ALCAM: variants seen among roughly 807,000 people sequenced by gnomAD.
ALCAM encodes the protein activated leukocyte cell adhesion molecule.
A neutral mutation model predicts 70.9 loss-of-function variants in ALCAM; 30 were observed. The ratio of observed to expected loss-of-function variants is 0.42; its 90% CI spans 0.32 to 0.57. The LOEUF is 0.57. Ranked by LOEUF, ALCAM falls within the 20% of genes least tolerant of loss-of-function variation. ALCAM has a pLI of 0.11. For missense variants in ALCAM, 591 were observed against 695.1 expected (o/e 0.85, Z 1.68); for synonymous variants, 249 against 242.5 (o/e 1.03, Z -0.25).
intron 1 of ALCAM, among the ~76,000 whole-genome samples, chr3:105,501,187 G>A (rs1485547059): frequency 1.3e-5 from 2 of 152,172 alleles, no homozygotes; most frequent in Non-Finnish European, 2.9e-5. Flanking sequence ...ATTAGCGAGA[G>A]TGACTGACAA....
In ALCAM at chr3:105,534,664, G is replaced by A. The variant is rs751414998; in HGVS notation, c.549G>A (p.Ala183=). ...ATCAGTGTTCTTTATTTTCTTCAGCGGTGGTCATAATTTTTAAAAAGGAAA... is the reference window on the plus strand; with the variant it reads ...ATCAGTGTTCTTTATTTTCTTCAGCAGTGGTCATAATTTTTAAAAAGGAAA... ...NGKVLHPLEG[A]VVIIFKKEMD... Residue 183 remains alanine (A), a splice_region_variant and synonymous_variant, in exon 6 of 16, where the codon GCG becomes GCA. Transcript: ENST00000306107. 6.0e-5 allele frequency: 96 copies of A among 1,613,194 alleles called. No homozygotes were observed. Among genetic ancestry groups the A allele is most frequent in the Non-Finnish European group, 6.8e-5 (80 of 1,179,408 alleles).
At chr3:105,565,973 G>A (rs1940733782) in intron 14 of ALCAM, among the ~76,000 whole-genome samples, 1 of 152,176 alleles carries the variant, frequency 6.6e-6, no homozygotes, top group South Asian at 2.1e-4. Flanking sequence ...GGCACCACCA[G>A]AAAATACTTC....
At chr3:105,562,658 T>C (rs1423380038) in intron 14 of ALCAM, among the ~76,000 whole-genome samples, 1 of 152,192 alleles carries the variant, frequency 6.6e-6, no homozygotes, top group Admixed American at 6.5e-5. Context: ...ATAAAATGGA[T>C]CAATAAAAGG....
At chr3:105,482,058 G>A (rs1415632908) in intron 1 of ALCAM, among the ~76,000 whole-genome samples, 1 of 152,120 alleles carries the variant, frequency 6.6e-6, no homozygotes, top group African/African-American at 2.4e-5. Context: ...GAACAAAAGA[G>A]CCAAGAAATA....
At chr3:105,500,665 A>G (rs1938895008) in intron 1 of ALCAM, among the ~76,000 whole-genome samples, 1 of 152,176 alleles carries the variant, frequency 6.6e-6, no homozygotes, top group African/African-American at 2.4e-5. Context: ...ACAATATTGG[A>G]TTAAGAGTCA....
At chr3:105,381,921 TTTTA>T (rs1230297990) in intron 1 of ALCAM, among the ~76,000 whole-genome samples, 2 of 151,442 alleles carry the variant, frequency 1.3e-5, no homozygotes, top group Non-Finnish European at 3.0e-5. Flanking sequence ...TACTTTATTT[TTTTA>T]TTTATTTTTT....
At chr3:105,381,977 T>C (rs1384263525) in intron 1 of ALCAM, among the ~76,000 whole-genome samples, 1 of 151,704 alleles carries the variant, frequency 6.6e-6, no homozygotes, top group Non-Finnish European at 1.5e-5. Context: ...TTAGGGTACA[T>C]GTGCACAATG....
chr3:105,477,862 T>A (rs947988527), intron 1 of ALCAM, among the ~76,000 whole-genome samples: 5 of 149,038 alleles, frequency 3.4e-5, no homozygotes, highest in Non-Finnish European at 7.5e-5. Context: ...AGTTCAAATA[T>A]ACAGTATTAG....
intron 1 of ALCAM, among the ~76,000 whole-genome samples, chr3:105,491,809 A>G (rs1427989149): frequency 6.6e-6 from 1 of 152,174 alleles, no homozygotes; most frequent in Non-Finnish European, 1.5e-5. Context: ...GGTCAAAGCT[A>G]TTCAACAAGT....
chr3:105,502,622 G>T (rs926358571), intron 1 of ALCAM, among the ~76,000 whole-genome samples: 1 of 152,238 alleles, frequency 6.6e-6, no homozygotes, highest in African/African-American at 2.4e-5. Flanking sequence ...AGAAAGACAG[G>T]AACATCAGAG....
chr3:105,421,696 A>G (rs1414283765), intron 1 of ALCAM, among the ~76,000 whole-genome samples: 1 of 151,522 alleles, frequency 6.6e-6, no homozygotes, highest in Admixed American at 6.6e-5. Context: ...GAAGCACTGT[A>G]GTTAAGAAAA....
intron 14 of ALCAM, among the ~76,000 whole-genome samples, chr3:105,559,337 A>T (rs1226045795): frequency 6.7e-6 from 1 of 148,936 alleles, no homozygotes; most frequent in Non-Finnish European, 1.5e-5. Flanking sequence ...ATATGCTATT[A>T]TAACAAAATA....
chr3:105,512,961 A>G (rs916124580), intron 1 of ALCAM, among the ~76,000 whole-genome samples: 1 of 151,748 alleles, frequency 6.6e-6, no homozygotes. Context: ...ATACTTAAAC[A>G]TTTCTCCTGT....
chr3:105,485,032 A>G (rs976962725), intron 1 of ALCAM, among the ~76,000 whole-genome samples: 1 of 152,148 alleles, frequency 6.6e-6, no homozygotes, highest in Non-Finnish European at 1.5e-5. Context: ...TTCAAAAATT[A>G]AAATAGAATA....
At chr3:105,541,239 TC>T (rs1210682558) in intron 7 of ALCAM, among the ~76,000 whole-genome samples, 1 of 151,824 alleles carries the variant, frequency 6.6e-6, no homozygotes, top group African/African-American at 2.4e-5. Context: ...CTTCTTTCCT[TC>T]CTTTTATGTT....
At chr3:105,569,280 A>G (rs1940812082) in intron 14 of ALCAM, among the ~76,000 whole-genome samples, 1 of 152,150 alleles carries the variant, frequency 6.6e-6, no homozygotes, top group East Asian at 1.9e-4. Context: ...GGAGAAAAAA[A>G]TTAGAGGACT....
intron 1 of ALCAM, among the ~76,000 whole-genome samples, chr3:105,489,818 A>G (rs6804472): frequency 0.55 from 83,501 of 152,024 alleles, 23,380 homozygotes; most frequent in African/African-American, 0.65. Flanking sequence ...TCTGAACACT[A>G]TCCTGACATA....
intron 15 of ALCAM, among the ~76,000 whole-genome samples, chr3:105,572,584 T>TTTGGCTA (rs1940881863): frequency 6.6e-6 from 1 of 152,202 alleles, no homozygotes; most frequent in African/African-American, 2.4e-5. Flanking sequence ...TTTATAATTC[T>TTTGGCTA]TTGGCTATAT....
At chr3:105,471,336 T>G (rs1937919085) in intron 1 of ALCAM, among the ~76,000 whole-genome samples, 1 of 151,344 alleles carries the variant, frequency 6.6e-6, no homozygotes, top group Non-Finnish European at 1.5e-5. Flanking sequence ...ATTTATGGGA[T>G]GGAAAAATGT....
Sources: gnomAD v4.1 joint callset for allele counts (sites outside exome capture counted in the v4.1 genomes callset) on GRCh38, gnomAD v4.1.1 for gene constraint, MANE v1.5 for transcripts, NCBI Gene and HGNC (gene_info 2026-07-23, HGNC 2026-07-21) for gene names.